The following AGMO variants were observed in gnomAD, a reference collection of about 807,000 sequenced individuals.
The protein encoded by AGMO is alkylglycerol monooxygenase, also known as glyceryl-ether monooxygenase.
In AGMO, 75 loss-of-function variants were observed where a neutral mutation model predicts 60.2. The observed-to-expected ratio is 1.25, with a 90% CI of 1.03 to 1.51. The LOEUF is 1.51. Ranked by LOEUF, AGMO falls within the 40% of genes most tolerant of loss-of-function variation. The probability of loss-of-function intolerance (pLI) is 0.00; values close to 1 mark genes in which losing one functional copy is unlikely to be tolerated. For synonymous variants in AGMO, 261 were observed against 177.1 expected, an observed-to-expected ratio of 1.47 and a Z score of -3.76; for missense variants, 763 against 525.5, an observed-to-expected ratio of 1.45 and a Z score of -4.42.
intron 12 of AGMO, among the ~76,000 whole-genome samples, chr7:15,336,215 A>T (rs1041622789): frequency 6.6e-6 from 1 of 152,162 alleles, no homozygotes; most frequent in Non-Finnish European, 1.5e-5. Context: ...AGCACAAATT[A>T]TGATGGCAAA....
intron 12 of AGMO, among the ~76,000 whole-genome samples, chr7:15,276,141 G>A (rs1469447649): frequency 6.6e-6 from 1 of 152,116 alleles, no homozygotes; most frequent in Admixed American, 6.5e-5. Flanking sequence ...TTGAACTTAT[G>A]TAATGTCTTT....
intron 10 of AGMO, among the ~76,000 whole-genome samples, chr7:15,378,850 A>G (rs77183733): frequency 6.6e-6 from 1 of 151,476 alleles, no homozygotes; most frequent in Non-Finnish European, 1.5e-5. Flanking sequence ...TCTAAAATCA[A>G]TCACAAAAAT....
chr7:15,333,007 A>G (rs1210312798), intron 12 of AGMO, among the ~76,000 whole-genome samples: 1 of 152,108 alleles, frequency 6.6e-6, no homozygotes, highest in Non-Finnish European at 1.5e-5. Context: ...GGCAACAGAA[A>G]CTCTTCATAA....
At chr7:15,261,192 A>C (rs930183460) in intron 12 of AGMO, among the ~76,000 whole-genome samples, 2 of 152,116 alleles carry the variant, frequency 1.3e-5, no homozygotes, top group Non-Finnish European at 2.9e-5. Flanking sequence ...GAAACAAAAA[A>C]AATACAAAAG....
chr7:15,320,838 T>C (rs9647966), intron 12 of AGMO, among the ~76,000 whole-genome samples: 53,540 of 152,130 alleles, frequency 0.35, 11,057 homozygotes, highest in East Asian at 0.51. Context: ...CAACTATGTT[T>C]AACATAATTT....
chr7:15,404,366 A>G (rs915862878), intron 5 of AGMO, among the ~76,000 whole-genome samples: 1 of 151,950 alleles, frequency 6.6e-6, no homozygotes, highest in African/African-American at 2.4e-5. Context: ...TTGTTTCAGC[A>G]TATCTTTTGA....
At chr7:15,274,458 G>T (rs1783717349) in intron 12 of AGMO, among the ~76,000 whole-genome samples, 1 of 152,178 alleles carries the variant, frequency 6.6e-6, no homozygotes, top group African/African-American at 2.4e-5. Context: ...GTGCATCCCA[G>T]GGTGAAGCCC....
rs60202363 is a variant in AGMO, at chr7:15,365,380, T to TAAAAAAAAAAAAAAAAAAAAAAAAAA, written c.1263+133_1263+134insTTTTTTTTTTTTTTTTTTTTTTTTTT. The TAAAAAAAAAAAAAAAAAAAAAAAAAA allele has an allele frequency of 1.4e-3, 308 of 223,742 alleles. 19 individuals carry two copies. The highest frequency in any genetic ancestry group is 4.1e-3 in the African/African-American group (70 of 17,224). The allele number at this position is 223,742 out of a possible 1,614,324, so 13.9% of individuals were successfully genotyped here. Reference sequence around the variant, plus strand: ...GACACAACTAACAAGTACTGGTAAGTAAAAAAAAAAAAAAAGATCAAGATT... The same window carrying TAAAAAAAAAAAAAAAAAAAAAAAAAA: ...GACACAACTAACAAGTACTGGTAAGTAAAAAAAAAAAAAAAAAAAAAAAAAAAAAAAAAAAAAAAAAGATCAAGATT... On this transcript the variant is annotated intron_variant, in intron 12 of 12. Transcript: ENST00000342526.
At chr7:15,140,074 A>C in the AGMO span, among the ~76,000 whole-genome samples, 1 of 150,992 alleles carries the variant, frequency 6.6e-6, no homozygotes, top group Non-Finnish European at 1.5e-5. Flanking sequence ...AACTATAGGA[A>C]ATAAAATATA....
At chr7:15,495,906 T>C (rs1185190757) in intron 3 of AGMO, among the ~76,000 whole-genome samples, 1 of 151,736 alleles carries the variant, frequency 6.6e-6, no homozygotes, top group East Asian at 1.9e-4. Flanking sequence ...ACTCTTCCTC[T>C]TCTTCTTCTT....
intron 12 of AGMO, among the ~76,000 whole-genome samples, chr7:15,201,912 T>C (rs2115464685): frequency 6.6e-6 from 1 of 152,294 alleles, no homozygotes; most frequent in East Asian, 1.9e-4. Flanking sequence ...CACTGAAGAC[T>C]TAACTGAATC....
intron 12 of AGMO, among the ~76,000 whole-genome samples, chr7:15,352,447 GTTTT>G (rs564021801): frequency 2.2e-5 from 3 of 135,368 alleles, no homozygotes. Flanking sequence ...CCAGAAGTAT[GTTTT>G]TTTTTTTTTT....
At chr7:15,216,619 T>C (rs112399653) in intron 12 of AGMO, among the ~76,000 whole-genome samples, 1,791 of 152,230 alleles carry the variant, frequency 0.012, 31 homozygotes, top group African/African-American at 0.041. Flanking sequence ...TAAAATTCAA[T>C]ATAATAACAA....
At chr7:15,310,742 A>G (rs888534400) in intron 12 of AGMO, among the ~76,000 whole-genome samples, 1 of 152,160 alleles carries the variant, frequency 6.6e-6, no homozygotes, top group Non-Finnish European at 1.5e-5. Flanking sequence ...AACACAAATT[A>G]ATTTTTTACA....
chr7:15,546,520 C>G (rs1207648223), intron 2 of AGMO, among the ~76,000 whole-genome samples: 2 of 152,214 alleles, frequency 1.3e-5, no homozygotes, highest in Admixed American at 1.3e-4. Flanking sequence ...GCCATTCTTC[C>G]TGAGGGCAGA....
intron 12 of AGMO, among the ~76,000 whole-genome samples, chr7:15,237,494 T>C (rs571312116): frequency 1.3e-5 from 2 of 152,196 alleles, no homozygotes; most frequent in Non-Finnish European, 2.9e-5. Flanking sequence ...GTGTTTTTTT[T>C]TTCTTGGCCA....
chr7:15,310,285 C>T (rs1481328713), intron 12 of AGMO, among the ~76,000 whole-genome samples: 3 of 152,110 alleles, frequency 2.0e-5, no homozygotes, highest in South Asian at 2.1e-4. Flanking sequence ...TTTTTATTTG[C>T]TAAAAATATC....
chr7:15,239,589 T>A (rs1230588563), intron 12 of AGMO, among the ~76,000 whole-genome samples: 1 of 152,138 alleles, frequency 6.6e-6, no homozygotes, highest in Non-Finnish European at 1.5e-5. Flanking sequence ...GTGTTGTTAT[T>A]TGAAAGCAGT....
At chr7:15,474,884 A>G (rs764941804) in intron 3 of AGMO, among the ~76,000 whole-genome samples, 1 of 152,074 alleles carries the variant, frequency 6.6e-6, no homozygotes, top group Non-Finnish European at 1.5e-5. Flanking sequence ...GTGGGCGAAG[A>G]ATATGGACAG....
Sources: gnomAD v4.1 joint callset for allele counts (sites outside exome capture counted in the v4.1 genomes callset) on GRCh38, gnomAD v4.1.1 for gene constraint, MANE v1.5 for transcripts, NCBI Gene and HGNC (gene_info 2026-07-23, HGNC 2026-07-21) for gene names.